A1CF: variants seen among roughly 807,000 people sequenced by gnomAD.
The protein encoded by A1CF is APOBEC-1 stimulating protein.
In A1CF, 48 loss-of-function variants were observed where a neutral mutation model predicts 68.9. That is an observed-to-expected ratio of 0.70 (90% CI 0.55 to 0.89). The LOEUF (loss-of-function observed/expected upper bound fraction) is 0.89, where lower values mean the gene tolerates loss of function less well. Ranked by LOEUF, A1CF falls within the 40% of genes least tolerant of loss-of-function variation. The pLI, the probability that A1CF is intolerant of heterozygous loss-of-function variation, is 0.00. For missense variants in A1CF, 653 were observed against 718.9 expected (o/e 0.91, Z 1.05); for synonymous variants, 272 against 260.4 (o/e 1.04, Z -0.43).
intron 1 of A1CF, among the ~76,000 whole-genome samples, chr10:50,882,328 C>T (rs976573086): frequency 5.3e-5 from 8 of 151,780 alleles, no homozygotes; most frequent in African/African-American, 1.5e-4. Context: ...CCCAGCTACT[C>T]GGGAGGCTGA....
intron 4 of A1CF, among the ~76,000 whole-genome samples, chr10:50,842,663 T>C (rs1167871913): frequency 6.6e-6 from 1 of 152,242 alleles, no homozygotes; most frequent in South Asian, 2.1e-4. Flanking sequence ...AATTGTCCTC[T>C]GAAATCTCCA....
intron 11 of A1CF, 24 bp from the exon 12 acceptor site, chr10:50,810,066 A>G (rs200171231): frequency 1.5e-5 from 25 of 1,613,156 alleles, no homozygotes; most frequent in Non-Finnish European, 2.0e-5. Flanking sequence ...CAGTCAGGGT[A>G]GGCATTTTTA....
At chr10:50,833,261 G>T (rs968323421) in intron 6 of A1CF, among the ~76,000 whole-genome samples, 1 of 152,172 alleles carries the variant, frequency 6.6e-6, no homozygotes, top group Non-Finnish European at 1.5e-5. Flanking sequence ...GGAGCTTGTT[G>T]TAAATGCGAA....
intron 7 of A1CF, among the ~76,000 whole-genome samples, chr10:50,825,312 C>CT (rs1838865813): frequency 6.6e-6 from 1 of 152,074 alleles, no homozygotes; most frequent in South Asian, 2.1e-4. Flanking sequence ...ACTATGATAA[C>CT]CCTAAGCCAC....
chr10:50,838,080 T>A (rs1310227787), intron 5 of A1CF, among the ~76,000 whole-genome samples: 2 of 152,204 alleles, frequency 1.3e-5, no homozygotes, highest in Non-Finnish European at 2.9e-5. Flanking sequence ...TAACACTAAG[T>A]TATTAAAAAT....
intron 12 of A1CF, among the ~76,000 whole-genome samples, 179 bp from the exon 13 acceptor site, chr10:50,807,059 T>G (rs1258878335): frequency 1.3e-5 from 2 of 152,248 alleles, no homozygotes; most frequent in African/African-American, 4.8e-5. Context: ...TTTTCAATGA[T>G]ATTTAAACAG....
rs942384161 is a variant in A1CF, at chr10:50,810,143, G to A, written c.1461-101C>T. 4 of 1,326,684 alleles carry A rather than the reference G, an allele frequency of 3.0e-6. No individual in the cohort carries two copies. The African/African-American group carries it at 4.4e-5, about 15-fold the overall frequency. 82.2% of individuals were successfully genotyped at this position (1,326,684 alleles called of 1,614,324 possible). A position where few individuals can be genotyped will look rare whatever the true frequency, so the allele number is the denominator to read the frequency against. On this transcript the variant is annotated intron_variant, in intron 11 of 12. Transcript: ENST00000373997. ...AGCTTTGTAAGATGACTGGATGGTGGTATTTTGAGTGGGTGTTTTTCATTC... is the reference window on the plus strand; with the variant it reads ...AGCTTTGTAAGATGACTGGATGGTGATATTTTGAGTGGGTGTTTTTCATTC...
At position 50,872,946 on chromosome 10, in the gene A1CF, C is replaced by CTTT. The variant is rs34770362; in HGVS notation, c.-93-8869_-93-8867dup. On this transcript the variant is annotated intron_variant, in intron 1 of 12. Coordinates refer to ENST00000373997, the MANE Select transcript of A1CF (RefSeq NM_014576.4). ...TACTTTTATTCTTATATTTAAGTTCCTTTTTTTTTTTTTTTTTTTTTTTTT... is the reference window on the plus strand; with the variant it reads ...TACTTTTATTCTTATATTTAAGTTCCTTTTTTTTTTTTTTTTTTTTTTTTTTTT... 1.4e-3 allele frequency among the ~76,000 whole-genome samples: 93 copies of CTTT among 67,306 alleles called. 12 individuals carry two copies. The highest frequency in any genetic ancestry group is 1.8e-3 in the Non-Finnish European group (65 of 35,732). 44.2% of individuals were successfully genotyped at this position (67,306 alleles called of 152,430 possible).
At chr10:50,871,146 C>A (rs1366555760) in intron 1 of A1CF, among the ~76,000 whole-genome samples, 1 of 151,694 alleles carries the variant, frequency 6.6e-6, no homozygotes, top group Non-Finnish European at 1.5e-5. Context: ...TAATGAAACA[C>A]CACAATCATT....
intron 12 of A1CF, among the ~76,000 whole-genome samples, chr10:50,807,624 A>G (rs761542120): frequency 6.6e-6 from 1 of 152,184 alleles, no homozygotes; most frequent in Non-Finnish European, 1.5e-5. Flanking sequence ...TCATGTTAGC[A>G]TTGTGTCTAG....
intron 2 of A1CF, among the ~76,000 whole-genome samples, chr10:50,861,124 A>G (rs1245895736): frequency 6.6e-6 from 1 of 152,190 alleles, no homozygotes; most frequent in Admixed American, 6.5e-5. Flanking sequence ...ACCATTAATA[A>G]TATAAGAAAC....
chr10:50,810,740 G>A (rs555670126), intron 11 of A1CF, among the ~76,000 whole-genome samples: 12 of 152,234 alleles, frequency 7.9e-5, no homozygotes, highest in African/African-American at 2.9e-4. Context: ...TCAAACTCCC[G>A]ACCTCAAGTG....
chr10:50,885,077 A>C (rs960374450), intron 1 of A1CF, among the ~76,000 whole-genome samples: 3 of 152,222 alleles, frequency 2.0e-5, no homozygotes, highest in African/African-American at 7.2e-5. Context: ...GAATCGCAAG[A>C]GTTGTACCAA....
chr10:50,815,954 GA>G, intron 9 of A1CF, 51 bp downstream of exon 9: 1 of 1,587,844 alleles, frequency 6.3e-7, no homozygotes, highest in South Asian at 1.1e-5. Context: ...ACTGCAATTT[GA>G]GTCATTTGAA....
intron 1 of A1CF, among the ~76,000 whole-genome samples, chr10:50,865,449 C>A (rs1430661188): frequency 1.3e-5 from 2 of 152,128 alleles, no homozygotes; most frequent in Non-Finnish European, 2.9e-5. Flanking sequence ...TAATAACCAT[C>A]CAATAAATAT....
chr10:50,819,793 A>G (rs1450607973), intron 8 of A1CF, among the ~76,000 whole-genome samples: 2 of 152,144 alleles, frequency 1.3e-5, no homozygotes, highest in Admixed American at 1.3e-4. Context: ...GGCTTCTCTT[A>G]AATATTATCT....
At position 50,830,905 on chromosome 10, in the gene A1CF, A is replaced by AAAACAGACATTT. The variant is rs538662093; in HGVS notation, c.605-2622_605-2611dup. ...ATCAAAATAGTATGATACTGGCATA[A>AAAACAGACATTT]AAACAGACATTTAGGCCAATGAAAC... On this transcript the variant is annotated intron_variant, in intron 6 of 12. Transcript: ENST00000373997. Among the ~76,000 whole-genome samples, 71 of 152,318 alleles carry AAAACAGACATTT rather than the reference A, an allele frequency of 4.7e-4. 1 individual carries two copies. In the East Asian group the frequency reaches 0.013, roughly 29 times the overall value.
intron 3 of A1CF, among the ~76,000 whole-genome samples, chr10:50,850,181 A>G (rs145884360): frequency 1.3e-5 from 2 of 152,352 alleles, no homozygotes; most frequent in East Asian, 1.9e-4. Context: ...TAAGGAAACA[A>G]CTATGAGTAA....
At chr10:50,885,504 C>T in intron 1 of A1CF, 77 bp downstream of exon 1, 1 of 152,270 alleles carries the variant, frequency 6.6e-6, no homozygotes, top group East Asian at 1.9e-4. Flanking sequence ...AAGCTGTTTT[C>T]ACTGCATTCC....
Sources: gnomAD v4.1 joint callset for allele counts (sites outside exome capture counted in the v4.1 genomes callset) on GRCh38, gnomAD v4.1.1 for gene constraint, MANE v1.5 for transcripts, NCBI Gene and HGNC (gene_info 2026-07-23, HGNC 2026-07-21) for gene names.